DGKB: variants seen among roughly 807,000 people sequenced by gnomAD.
DGKB encodes diacylglycerol kinase beta.
In DGKB, 67 loss-of-function variants were observed where a neutral mutation model predicts 114.3. That is an observed-to-expected ratio of 0.59 (90% confidence interval 0.48 to 0.72). The LOEUF (loss-of-function observed/expected upper bound fraction) is 0.72. Ranked by LOEUF, DGKB falls within the 30% of genes least tolerant of loss-of-function variation. The pLI is 0.00. For synonymous variants in DGKB, 398 were observed against 323.1 expected, an observed-to-expected ratio of 1.23 and a Z score of -2.49; for missense variants, 907 against 975.2, an observed-to-expected ratio of 0.93 and a Z score of 0.93.
At chr7:14,629,365 G>A (rs749800498) in intron 14 of DGKB, among the ~76,000 whole-genome samples, 7 of 151,882 alleles carry the variant, frequency 4.6e-5, no homozygotes, top group African/African-American at 1.2e-4. Flanking sequence ...GGTTAAAAAT[G>A]AGAACTTTTT....
chr7:14,608,172 C>G (rs546155444), intron 16 of DGKB, among the ~76,000 whole-genome samples: 1 of 152,066 alleles, frequency 6.6e-6, no homozygotes, highest in South Asian at 2.1e-4. Context: ...ATATCTCACA[C>G]TGTTTTAATT....
chr7:14,266,892 A>G (rs570009492), intron 23 of DGKB, among the ~76,000 whole-genome samples: 1 of 152,310 alleles, frequency 6.6e-6, no homozygotes, highest in African/African-American at 2.4e-5. Context: ...GTTAATACTT[A>G]AGCAGACTGA....
intron 2 of DGKB, among the ~76,000 whole-genome samples, chr7:14,769,251 A>AAAGG (rs1491281427): frequency 4.0e-5 from 5 of 124,900 alleles, no homozygotes; most frequent in Non-Finnish European, 7.8e-5. Flanking sequence ...AGAAAGAAAG[A>AAAGG]AAGAAAGAAA....
intron 14 of DGKB, among the ~76,000 whole-genome samples, chr7:14,623,018 A>G (rs933475546): frequency 2.0e-5 from 3 of 152,162 alleles, no homozygotes; most frequent in Non-Finnish European, 4.4e-5. Context: ...GCATTCTTTC[A>G]TCTTAATCAA....
chr7:14,230,113 A>T (rs1056211540), intron 23 of DGKB, among the ~76,000 whole-genome samples: 11 of 152,060 alleles, frequency 7.2e-5, no homozygotes, highest in South Asian at 6.2e-4. Flanking sequence ...ACTAAACCTG[A>T]ACTTAACATT....
chr7:14,564,955 T>G (rs1485746096), intron 20 of DGKB, among the ~76,000 whole-genome samples: 1 of 152,106 alleles, frequency 6.6e-6, no homozygotes, highest in African/African-American at 2.4e-5. Flanking sequence ...TCCACACTGA[T>G]TTAAGTATAT....
At chr7:14,670,245 G>C (rs1173923986) in intron 13 of DGKB, among the ~76,000 whole-genome samples, 1 of 151,314 alleles carries the variant, frequency 6.6e-6, no homozygotes, top group Admixed American at 6.6e-5. Context: ...TGTGTGTTAA[G>C]AGCACCTAGT....
intron 23 of DGKB, among the ~76,000 whole-genome samples, chr7:14,318,614 A>T (rs1807104548): frequency 6.6e-6 from 1 of 152,018 alleles, no homozygotes; most frequent in Non-Finnish European, 1.5e-5. Context: ...TTAGAATGGC[A>T]ATCATTAAAA....
chr7:14,639,054 A>C (rs1811259165), intron 13 of DGKB, among the ~76,000 whole-genome samples: 1 of 146,678 alleles, frequency 6.8e-6, no homozygotes, highest in Admixed American at 6.7e-5. Context: ...TAAATAAATA[A>C]GTTTATTTAT....
intron 20 of DGKB, among the ~76,000 whole-genome samples, chr7:14,543,743 A>G (rs929555515): frequency 1.1e-4 from 16 of 152,192 alleles, no homozygotes; most frequent in African/African-American, 3.4e-4. Context: ...AAATTTTGTT[A>G]TGGCCACAAA....
chr7:14,280,848 C>T (rs1381051388), intron 23 of DGKB, among the ~76,000 whole-genome samples: 1 of 151,634 alleles, frequency 6.6e-6, no homozygotes, highest in African/African-American at 2.4e-5. Flanking sequence ...CCTAAAAGAG[C>T]TCCTGAAGGA....
At chr7:14,863,373 G>T (rs971218422) in intron 1 of DGKB, among the ~76,000 whole-genome samples, 2 of 150,138 alleles carry the variant, frequency 1.3e-5, no homozygotes, top group African/African-American at 4.9e-5. Context: ...TTTAAACTAT[G>T]GTCAAGAAGG....
rs549706524 is a variant in DGKB at position 14,815,809 on chromosome 7, T to C, written c.70+25385A>G. ...GGTCATGAGGAGGTCACAGACTGTGTACAATCGTGATAAGAACACATTGCT... is the reference window on the plus strand; with the variant it reads ...GGTCATGAGGAGGTCACAGACTGTGCACAATCGTGATAAGAACACATTGCT... On this transcript the variant is annotated intron_variant, in intron 2 of 25. Coordinates refer to ENST00000402815, the MANE Select transcript of DGKB (RefSeq NM_001350709.2). Among the ~76,000 whole-genome samples, 7 of 152,262 alleles carry C rather than the reference T, an allele frequency of 4.6e-5. No homozygotes were observed. In the East Asian group the frequency reaches 1.4e-3, roughly 29 times the overall value.
chr7:14,366,890 C>T (rs919743658), intron 21 of DGKB, among the ~76,000 whole-genome samples: 3 of 152,046 alleles, frequency 2.0e-5, no homozygotes, highest in Non-Finnish European at 4.4e-5. Flanking sequence ...TAATTAATAA[C>T]AAAATACGAA....
rs546580750 is a variant in DGKB at position 14,923,716 on chromosome 7, C to T, written c.-188+50980G>A. ...CTCTATATAAAAGCTTTGTCCTGGCCGGGCACGGTGGCACATGCCTGTGAT... is the reference window on the plus strand; with the variant it reads ...CTCTATATAAAAGCTTTGTCCTGGCTGGGCACGGTGGCACATGCCTGTGAT... On this transcript the variant is annotated intron_variant, in intron 1 of 4. Coordinates refer to the DGKB transcript ENST00000437998. 1.4e-4 allele frequency among the ~76,000 whole-genome samples: 22 copies of T among 152,106 alleles called. No individual in the cohort carries two copies. In the South Asian group the frequency reaches 3.5e-3, roughly 24 times the overall value.
intron 13 of DGKB, among the ~76,000 whole-genome samples, chr7:14,643,427 A>G (rs565270187): frequency 1.3e-5 from 2 of 152,284 alleles, no homozygotes; most frequent in South Asian, 4.1e-4. Flanking sequence ...CATTATTTTG[A>G]GGGAAGAACC....
At chr7:14,850,112 G>A (rs530915051) in intron 1 of DGKB, among the ~76,000 whole-genome samples, 5 of 152,190 alleles carry the variant, frequency 3.3e-5, no homozygotes, top group African/African-American at 9.6e-5. Flanking sequence ...CTTTTCAAAA[G>A]TTTCTGAGCA....
Position 14,348,571 on chromosome 7 carries a change from C to T in DGKB, c.1836-3180G>A, listed in dbSNP as rs192928748. Among the ~76,000 whole-genome samples the T allele has an allele frequency of 3.2e-3, 482 of 151,552 alleles. 3 individuals are homozygous for T. The highest frequency in any genetic ancestry group is 4.6e-3 in the Non-Finnish European group (315 of 67,878). ...AGTTAAAACCACAATGAGATATCAC[C>T]CCACACTTAACAGAATGACTAAAAT... is the stretch of plus-strand genomic sequence containing the variant. On this transcript the variant is annotated intron_variant, in intron 21 of 25. Coordinates refer to ENST00000402815, the MANE Select transcript of DGKB (RefSeq NM_001350709.2).
At chr7:14,450,403 G>C (rs1046683918) in intron 21 of DGKB, among the ~76,000 whole-genome samples, 1 of 152,108 alleles carries the variant, frequency 6.6e-6, no homozygotes, top group Admixed American at 6.6e-5. Flanking sequence ...CCAGAGGACT[G>C]AGGACAAAAT....
Sources: allele counts gnomAD v4.1 joint callset (sites outside exome capture counted in the v4.1 genomes callset), GRCh38; gene constraint gnomAD v4.1.1; transcripts MANE v1.5; gene names NCBI Gene and HGNC (gene_info 2026-07-23, HGNC 2026-07-21).